GOLPH3: variants seen among roughly 807,000 people sequenced by gnomAD.
The protein encoded by GOLPH3 is golgi phosphoprotein 3, also known as coat protein GPP34.
Under a neutral mutation model 28.5 loss-of-function variants are expected in GOLPH3, and 14 were observed. The ratio of observed to expected loss-of-function variants is 0.49; its 90% confidence interval spans 0.32 to 0.77. The LOEUF (loss-of-function observed/expected upper bound fraction) is 0.77, where lower values mean the gene tolerates loss of function less well. GOLPH3 is among the 30% of genes least tolerant of loss of function. The pLI is 0.03. For synonymous variants in GOLPH3, 158 were observed against 159.2 expected (o/e 0.99, Z 0.06); for missense variants, 350 against 393.7 (o/e 0.89, Z 0.94).
intron 1 of GOLPH3, among the ~76,000 whole-genome samples, chr5:32,160,353 C>T (rs1698762396): frequency 6.6e-6 from 1 of 152,188 alleles, no homozygotes; most frequent in African/African-American, 2.4e-5. Context: ...GCTGGGATTA[C>T]AGGCATGAGC....
At chr5:32,135,145 A>ACTGATACTG (rs1291557955) in intron 3 of GOLPH3, among the ~76,000 whole-genome samples, 9 of 152,162 alleles carry the variant, frequency 5.9e-5, no homozygotes, top group African/African-American at 2.2e-4. Context: ...TATTATAGTG[A>ACTGATACTG]CTGATACTGC....
At chr5:32,160,863 C>G (rs959791670) in intron 1 of GOLPH3, among the ~76,000 whole-genome samples, 2 of 151,632 alleles carry the variant, frequency 1.3e-5, no homozygotes, top group Admixed American at 6.6e-5. Context: ...GTCAGGAGAT[C>G]GAGACCATCC....
Position 32,127,870 on chromosome 5 carries a change from C to G in GOLPH3, c.473-1234G>C, listed in dbSNP as rs182066036. On this transcript the variant is annotated intron_variant, in intron 3 of 3. Coordinates refer to ENST00000265070, the MANE Select transcript of GOLPH3 (RefSeq NM_022130.4). ...GACACTAGTCAAAAGCAGCCCAGAACTGTGACACTTGAGTGCAGCCTATGT... is the reference window on the plus strand; with the variant it reads ...GACACTAGTCAAAAGCAGCCCAGAAGTGTGACACTTGAGTGCAGCCTATGT... Among the ~76,000 whole-genome samples, 10 of 152,246 alleles carry G rather than the reference C, an allele frequency of 6.6e-5. No individual in the cohort carries two copies. The East Asian group carries it at 1.9e-3, about 29-fold the overall frequency.
intron 1 of GOLPH3, among the ~76,000 whole-genome samples, chr5:32,151,049 TTATAATC>T (rs1746294144): frequency 6.6e-6 from 1 of 152,168 alleles, no homozygotes; most frequent in African/African-American, 2.4e-5. Flanking sequence ...GTGAAAACCT[TTATAATC>T]TGGGAGTGAA....
intron 1 of GOLPH3, among the ~76,000 whole-genome samples, chr5:32,158,550 G>A (rs964814035): frequency 2.6e-5 from 4 of 151,908 alleles, no homozygotes; most frequent in Admixed American, 1.3e-4. Context: ...CAGCAGACTC[G>A]AAGGTATCAT....
intron 1 of GOLPH3, among the ~76,000 whole-genome samples, chr5:32,171,289 A>G (rs537989105): frequency 2.0e-5 from 3 of 152,322 alleles, no homozygotes; most frequent in African/African-American, 7.2e-5. Flanking sequence ...TTAAAAAAAA[A>G]AAATTGCAAA....
chr5:32,166,219 T>C (rs558977657), intron 1 of GOLPH3, among the ~76,000 whole-genome samples: 1 of 152,350 alleles, frequency 6.6e-6, no homozygotes, highest in East Asian at 1.9e-4. Flanking sequence ...TTGTTTAAAA[T>C]GTTATTCTTA....
In GOLPH3 at chr5:32,126,034, G is replaced by A; in HGVS notation, c.*178C>T. 1 of 571,660 alleles carries A rather than the reference G, an allele frequency of 1.7e-6. No individual in the cohort carries two copies. Among genetic ancestry groups the A allele is most frequent in the Non-Finnish European group, 3.0e-6 (1 of 334,678 alleles). 35.4% of individuals were successfully genotyped at this position (571,660 alleles called of 1,614,324 possible). A position where few individuals can be genotyped will look rare whatever the true frequency, so the allele number is the denominator to read the frequency against. ...CTTTTTTTAAAAACAGAAAGAGGAAGGCCTCTCGTACCAGCAGAATCCTGT... is the reference window on the plus strand; with the variant it reads ...CTTTTTTTAAAAACAGAAAGAGGAAAGCCTCTCGTACCAGCAGAATCCTGT... On this transcript the variant is annotated 3_prime_UTR_variant, in exon 4 of 4. Transcript: ENST00000265070.
At position 32,165,881 on chromosome 5, in the gene GOLPH3, G is replaced by A. The variant is rs965826486; in HGVS notation, c.225+7929C>T. ...GACAGGCCACAGAAATGTGGACTTC[G>A]TATCTCAAATCACTTAAAATTCAAC... On this transcript the variant is annotated intron_variant, in intron 1 of 3. Coordinates refer to ENST00000265070, the MANE Select transcript of GOLPH3 (RefSeq NM_022130.4). Among the ~76,000 whole-genome samples, 5 of 152,154 alleles carry A rather than the reference G, an allele frequency of 3.3e-5. No homozygotes were observed. The South Asian group carries it at 8.3e-4, about 25-fold the overall frequency.
At chr5:32,147,608 T>C (rs1451272929) in intron 1 of GOLPH3, among the ~76,000 whole-genome samples, 1 of 152,148 alleles carries the variant, frequency 6.6e-6, no homozygotes, top group Non-Finnish European at 1.5e-5. Context: ...ATCTTTATTT[T>C]CTTTAGGCTT....
chr5:32,164,564 C>A (rs1305016296), intron 1 of GOLPH3, among the ~76,000 whole-genome samples: 1 of 151,558 alleles, frequency 6.6e-6, no homozygotes, highest in African/African-American at 2.4e-5. Flanking sequence ...AAGCTAATTT[C>A]TTTGTATTTT....
chr5:32,140,316 C>A (rs1174760666), intron 2 of GOLPH3, among the ~76,000 whole-genome samples: 2 of 151,834 alleles, frequency 1.3e-5, no homozygotes, highest in African/African-American at 2.4e-5. Flanking sequence ...CCAGCCTGGG[C>A]AATAAAGTAA....
chr5:32,160,148 A>G (rs1746541430), intron 1 of GOLPH3, among the ~76,000 whole-genome samples: 1 of 152,214 alleles, frequency 6.6e-6, no homozygotes, highest in Admixed American at 6.6e-5. Flanking sequence ...GCAGTAAGCT[A>G]TGATTATACA....
intron 1 of GOLPH3, among the ~76,000 whole-genome samples, chr5:32,161,004 C>G (rs111653506): frequency 7.3e-6 from 1 of 136,318 alleles, no homozygotes; most frequent in Non-Finnish European, 1.5e-5. Flanking sequence ...GAGGCGGAGC[C>G]TGCAGTGAGC....
intron 2 of GOLPH3, among the ~76,000 whole-genome samples, 190 bp from the exon 3 acceptor site, chr5:32,135,876 AGATATAATAAT>A (rs1745921459): frequency 6.6e-6 from 1 of 152,202 alleles, no homozygotes; most frequent in Non-Finnish European, 1.5e-5. Flanking sequence ...TAACCAGATT[AGATATAATAAT>A]GAATGAAAAT....
At chr5:32,135,788 T>C (rs1422123892) in intron 2 of GOLPH3, 102 bp from the exon 3 acceptor site, 4 of 685,478 alleles carry the variant, frequency 5.8e-6, no homozygotes, top group Non-Finnish European at 1.0e-5. Flanking sequence ...TCATTATGCT[T>C]AAAGCCTCAA....
chr5:32,143,781 C>T lies in GOLPH3; in HGVS notation c.325G>A (p.Gly109Arg). 6.2e-7 allele frequency: 1 copy of T among 1,606,762 alleles called. No individual in the cohort carries two copies. Among genetic ancestry groups the T allele is most frequent in the Non-Finnish European group, 8.5e-7 (1 of 1,177,988 alleles). Residue 109 changes from glycine to arginine, a missense_variant, in exon 2 of 4, where the codon GGA becomes AGA. Gly to Arg is a moderately radical substitution (Grantham distance 125). Coordinates refer to ENST00000265070, the MANE Select transcript of GOLPH3 (RefSeq NM_022130.4). ...LRGRLQLEAC[G>R]MRRKSLLTRK... ...GTTAATAGACTTTTACGTCTCATTC[C>T]ACAAGCCTCTAGTTGTAACCTTCCT...
chr5:32,137,867 A>T (rs1433302470), intron 2 of GOLPH3, among the ~76,000 whole-genome samples: 1 of 151,484 alleles, frequency 6.6e-6, no homozygotes, highest in African/African-American at 2.4e-5. Context: ...TTATAATGTT[A>T]GCTATTTAAA....
At chr5:32,173,246 A>G (rs1474359598) in intron 1 of GOLPH3, among the ~76,000 whole-genome samples, 1 of 68,862 alleles carries the variant, frequency 1.5e-5, no homozygotes, top group Non-Finnish European at 3.5e-5. Flanking sequence ...TTCATGAGAA[A>G]CTTAACTTAA....
Sources: gnomAD v4.1 joint callset for allele counts (sites outside exome capture counted in the v4.1 genomes callset) on GRCh38, gnomAD v4.1.1 for gene constraint, MANE v1.5 for transcripts, NCBI Gene and HGNC (gene_info 2026-07-23, HGNC 2026-07-21) for gene names.